TTBK1: variants seen among roughly 807,000 people sequenced by gnomAD.
The protein encoded by TTBK1 is tau tubulin kinase 1, also known as tau-tubulin kinase 1.
A neutral mutation model predicts 108.5 loss-of-function variants in TTBK1; 34 were observed. The observed-to-expected ratio is 0.31, with a 90% confidence interval of 0.24 to 0.42. TTBK1 has a LOEUF of 0.42. TTBK1 is among the 10% of genes least tolerant of loss of function. The pLI is 1.00. For synonymous variants in TTBK1, 809 were observed against 795.1 expected (o/e 1.02, Z -0.29); for missense variants, 1,539 against 1,826.0 (o/e 0.84, Z 2.86).
intron 13 of TTBK1, chr6:43,270,657 C>T (rs80320191): frequency 0.11 from 107,599 of 985,314 alleles, 6,265 homozygotes; most frequent in Non-Finnish European, 0.12. Context: ...CCCAAGACAC[C>T]TGTGCCATCA....
chr6:43,284,399 G>GCTT (rs1778300313), intron 14 of TTBK1, 87 bp downstream of exon 14: 14 of 1,448,178 alleles, frequency 9.7e-6, no homozygotes, highest in Admixed American at 2.7e-5. Flanking sequence ...AAGGTCAGGG[G>GCTT]CTATGGAAGA....
chr6:43,258,999 C>A (rs748434406), intron 10 of TTBK1, 39 bp from the exon 11 acceptor site: 2 of 1,528,176 alleles, frequency 1.3e-6, no homozygotes, highest in Middle Eastern at 1.8e-4. Flanking sequence ...GAGGGCACCC[C>A]TGCCAGCCTT....
At position 43,252,843 on chromosome 6, in the gene TTBK1, G is replaced by A; in HGVS notation, c.213G>A (p.Lys71=). 6.2e-7 allele frequency: 1 copy of A among 1,613,942 alleles called. No homozygotes were observed. The highest frequency in any genetic ancestry group is 8.5e-7 in the Non-Finnish European group (1 of 1,179,952). The change falls in exon 3 of 15, where the codon AAG becomes AAA. Residue 71 remains lysine, a synonymous_variant. Transcript: ENST00000259750. The part of the protein sequence containing the change: ...ALKVESAQQP[K]QVLKMEVAVL... ...AGGTGGAGTCAGCCCAGCAGCCCAA[G>A]CAGGTCCTCAAGATGGAGGTGGCCG...
In TTBK1 at chr6:43,246,706, G is replaced by T. The variant is rs749009814; in HGVS notation, c.46G>T (p.Gly16Trp). The change falls in exon 2 of 15, where the codon GGG becomes TGG. Residue 16 changes from glycine to tryptophan, a missense_variant. Around this residue, in one of 5 missense-constraint regions of TTBK1, gnomAD observed 45 missense variants for 38.0 expected, o/e 1.19. Transcript: ENST00000259750. ...CCTTAAGGACGAAACCAACATGAGT[G>T]GGGGAGGGGAGCAGGCCGACATCCT... ...AALKDETNMS[G>W]GGEQADILPA... 3.7e-6 allele frequency: 6 copies of T among 1,612,274 alleles called. No homozygotes were observed. The highest frequency in any genetic ancestry group is 1.3e-5 in the African/African-American group (1 of 74,850).
In TTBK1 at chr6:43,283,251, G is replaced by A; in HGVS notation, c.2511G>A (p.Val837=). The part of the protein sequence containing the change: ...LEPEEGSKTL[V]LVSPGDMKKS... ...CTGAGGAGGGCTCCAAAACGCTGGT[G>A]CTTGTCTCTCCTGGCGACATGAAGA... Residue 837 remains valine, a synonymous_variant, in exon 14 of 15, where the codon GTG becomes GTA. Coordinates refer to ENST00000259750, the MANE Select transcript of TTBK1 (RefSeq NM_032538.3). The surrounding 1 kb of genome is among the most constrained non-coding windows in gnomAD (Gnocchi z 8.1). The A allele has an allele frequency of 5.1e-6, 8 of 1,553,662 alleles. No individual in the cohort carries two copies. Among genetic ancestry groups the A allele is most frequent in the Non-Finnish European group, 7.0e-6 (8 of 1,148,922 alleles).
intron 1 of TTBK1, among the ~76,000 whole-genome samples, chr6:43,245,516 G>A (rs1332090136): frequency 2.0e-5 from 3 of 151,744 alleles, no homozygotes; most frequent in South Asian, 2.1e-4. Context: ...ATGTAGAAAA[G>A]CACACAGACA....
rs974550877 is a variant in TTBK1 at position 43,282,185 on chromosome 6, C to T, written c.1987-542C>T. Among the ~76,000 whole-genome samples the T allele has an allele frequency of 7.2e-5, 11 of 152,288 alleles. No homozygotes were observed. The highest frequency in any genetic ancestry group is 3.9e-4 in the East Asian group (2 of 5,176). ...ATCTGGTGGCCCTGGGCAGCCAGCT[C>T]TCTGGCCACAGAGAAACTGCACACC... On this transcript the variant is annotated intron_variant, in intron 13 of 14. Transcript: ENST00000259750. The surrounding 1 kb of genome is among the most constrained non-coding windows in gnomAD (Gnocchi z 5.4).
chr6:43,284,542 G>A (rs572197573), intron 14 of TTBK1, among the ~76,000 whole-genome samples: 14 of 152,346 alleles, frequency 9.2e-5, no homozygotes, highest in African/African-American at 2.2e-4. Flanking sequence ...AGGGGGTGCC[G>A]GAGAGGCCAG....
intron 13 of TTBK1, among the ~76,000 whole-genome samples, chr6:43,279,755 TTTTTTGTTG>T (rs1030144758): frequency 7.2e-6 from 1 of 138,046 alleles, no homozygotes; most frequent in Non-Finnish European, 1.5e-5. Flanking sequence ...GGGGACAAAG[TTTTTTGTTG>T]TTGTTGTTGT....
intron 13 of TTBK1, chr6:43,271,369 G>T (rs1244527015): frequency 5.2e-5 from 51 of 985,296 alleles, no homozygotes; most frequent in Non-Finnish European, 5.9e-5. Flanking sequence ...TCCAGGAAGT[G>T]CCATTTACAT....
At chr6:43,275,406 G>A (rs1777950138) in intron 13 of TTBK1, among the ~76,000 whole-genome samples, 1 of 152,018 alleles carries the variant, frequency 6.6e-6, no homozygotes, top group Non-Finnish European at 1.5e-5. Flanking sequence ...GCTTTTCCCT[G>A]CTGCTGGCTG....
At position 43,262,795 on chromosome 6, in the gene TTBK1, G is replaced by A. The variant is rs1445584488; in HGVS notation, c.1431G>A (p.Arg477=). ...GRVELPERRS[R]MDLPGSPSRQ... is the part of the protein sequence containing the mutation. ...GTGAGGGGTGGCTTTGCAGGTCACG[G>A]ATGGATCTGCCTGGCTCGCCCTCGC... Residue 477 remains arginine, a synonymous_variant, in exon 13 of 15, where the codon CGG becomes CGA. Coordinates refer to ENST00000259750, the MANE Select transcript of TTBK1 (RefSeq NM_032538.3). 2 of 1,565,570 alleles carry A rather than the reference G, an allele frequency of 1.3e-6. No individual in the cohort carries two copies. The highest frequency in any genetic ancestry group is 1.2e-5 in the South Asian group (1 of 84,622).
In TTBK1 at chr6:43,269,964, C is replaced by T. The variant is rs986428399; in HGVS notation, c.1986+6614C>T. On this transcript the variant is annotated intron_variant, in intron 13 of 14. Transcript: ENST00000259750. This position sits in a 1 kb window ranked among gnomAD's most constrained non-coding sequence, Gnocchi z 4.8. The stretch of plus-strand genomic sequence containing the variant: ...CCACAAGACCTAGGCTGGGCCCCCC[C>T]CCTCCTGGAGGGGGCAGGTGGGGGG... 45 of 1,435,360 alleles carry T rather than the reference C, an allele frequency of 3.1e-5. No individual in the cohort carries two copies. Among genetic ancestry groups the T allele is most frequent in the Non-Finnish European group, 3.8e-5 (42 of 1,098,680 alleles). 88.9% of individuals were successfully genotyped at this position (1,435,360 alleles called of 1,614,324 possible). A position where few individuals can be genotyped will look rare whatever the true frequency, so the allele number is the denominator to read the frequency against.
rs1778360031 is a variant in TTBK1 at position 43,285,680 on chromosome 6, GGGAAGGCTCAGCC to G, written c.*305_*317del. 4.1e-6 allele frequency: 1 copy of G among 245,096 alleles called. No individual in the cohort carries two copies. The highest frequency in any genetic ancestry group is 1.8e-4 in the South Asian group (1 of 5,680). 15.2% of individuals were successfully genotyped at this position (245,096 alleles called of 1,614,324 possible). On this transcript the variant is annotated 3_prime_UTR_variant, in exon 15 of 15. Coordinates refer to ENST00000259750, the MANE Select transcript of TTBK1 (RefSeq NM_032538.3). The surrounding 1 kb of genome is among the most constrained non-coding windows in gnomAD (Gnocchi z 4.7). Reference sequence around the variant, plus strand: ...GCCTCACATCAGTCTCTCCGCCCCGGGGAAGGCTCAGCCACTTTTCATCGAGGACTCCACTTCT... The same window carrying G: ...GCCTCACATCAGTCTCTCCGCCCCGGACTTTTCATCGAGGACTCCACTTCT...
At chr6:43,277,630 C>CGT (rs768598419) in intron 13 of TTBK1, among the ~76,000 whole-genome samples, 4 of 152,218 alleles carry the variant, frequency 2.6e-5, no homozygotes, top group Non-Finnish European at 4.4e-5. Flanking sequence ...TAGGTGGCCA[C>CGT]GTTCCCGGGT....
chr6:43,285,214 C>T lies in TTBK1; in HGVS notation c.3804C>T (p.Pro1268=), dbSNP rs759066423. The T allele has an allele frequency of 3.2e-4, 424 of 1,316,562 alleles. No homozygotes were observed. In the Middle Eastern group the frequency reaches 3.4e-3, roughly 10 times the overall value. The allele number at this position is 1,316,562 out of a possible 1,614,324, so 81.6% of individuals were successfully genotyped here. A position where few individuals can be genotyped will look rare whatever the true frequency, so the allele number is the denominator to read the frequency against. The change falls in exon 15 of 15, where the codon CCC becomes CCT. Residue 1268 remains proline (P), a synonymous_variant. Coordinates refer to ENST00000259750, the MANE Select transcript of TTBK1 (RefSeq NM_032538.3). This position sits in a 1 kb window ranked among gnomAD's most constrained non-coding sequence, Gnocchi z 4.7. The part of the protein sequence containing the change: ...ESPSPSHQAR[P]GVPPPRGVPP... ...CCTCCCCCTCGCACCAGGCCCGGCC[C>T]GGGGTCCCCCCGCCCCGGGGCGTCC... is the stretch of plus-strand genomic sequence containing the variant.
At chr6:43,252,621 C>CA (rs35235406) in intron 2 of TTBK1, 118 bp from the exon 3 acceptor site, 240,602 of 982,928 alleles carry the variant, frequency 0.24, 5,082 homozygotes, top group East Asian at 0.34. Context: ...GACTCCATCT[C>CA]AAAAAAAAAA....
In TTBK1 at chr6:43,262,912, C is replaced by T. The variant is rs903656272; in HGVS notation, c.1548C>T (p.Ala516=). 6.2e-7 allele frequency: 1 copy of T among 1,614,012 alleles called. No homozygotes were observed. Among genetic ancestry groups the T allele is most frequent in the Non-Finnish European group, 8.5e-7 (1 of 1,179,956 alleles). Residue 516 remains alanine (A), a synonymous_variant, in exon 13 of 15, where the codon GCC becomes GCT. Coordinates refer to ENST00000259750, the MANE Select transcript of TTBK1 (RefSeq NM_032538.3). The stretch of plus-strand genomic sequence containing the variant: ...CCAGTGGCCGCATGGACGTGTCAGC[C>T]TCTGTGGAGCAGGAGGCCCTGAGCA... ...RQASGRMDVS[A]SVEQEALSNA... is the part of the protein sequence containing the mutation.
At position 43,247,102 on chromosome 6, in the gene TTBK1, T is replaced by G. The variant is rs1171939448; in HGVS notation, c.108+334T>G. Among the ~76,000 whole-genome samples the G allele has an allele frequency of 2.7e-5, 4 of 150,414 alleles. No individual in the cohort carries two copies. The South Asian group carries it at 8.4e-4, about 32-fold the overall frequency. ...AGGAAGAGGGGTGGGGGAGGGAGCT[T>G]TTTCTCTGACGGACCTTGGAGAAGG... is the stretch of plus-strand genomic sequence containing the variant. On this transcript the variant is annotated intron_variant, in intron 2 of 14. Coordinates refer to ENST00000259750, the MANE Select transcript of TTBK1 (RefSeq NM_032538.3).
Sources: gnomAD v4.1 joint callset for allele counts (sites outside exome capture counted in the v4.1 genomes callset) on GRCh38, gnomAD v4.1.1 for gene constraint, gnomAD v4.1.1 regional missense constraint, Gnocchi (gnomAD v3.1) non-coding constraint, MANE v1.5 for transcripts, NCBI Gene and HGNC (gene_info 2026-07-23, HGNC 2026-07-21) for gene names.